The following UBXN8 variants were observed in gnomAD, a reference collection of about 807,000 sequenced individuals.
UBXN8 encodes UBX domain-containing protein 8.
Under a neutral mutation model 32.1 loss-of-function variants are expected in UBXN8, and 27 were observed. The ratio of observed to expected loss-of-function variants is 0.84; its 90% CI spans 0.62 to 1.16. The LOEUF is 1.16. Among genes scored for constraint, UBXN8 ranks in the 50% most tolerant of loss-of-function variants. The pLI is 0.00. For synonymous variants in UBXN8, 109 were observed against 111.8 expected, an observed-to-expected ratio of 0.98 and a Z score of 0.16; for missense variants, 306 against 311.4, an observed-to-expected ratio of 0.98 and a Z score of 0.13.
Position 30,753,064 on chromosome 8 carries a change from A to C in UBXN8, c.241A>C (p.Lys81Gln). The change falls in exon 3 of 8, where the codon AAA becomes CAA. Residue 81 changes from lysine to glutamine, a missense_variant. Transcript: ENST00000265616. ...AGAAGAAAAGAATGAGAAAAGACAA[A>C]AACTTGTGAGAAAAAAACAACAAGA... ...EEEEKNEKRQKLVRKKQQEAQ... is the reference protein window; with the variant it reads ...EEEEKNEKRQQLVRKKQQEAQ... The C allele has an allele frequency of 6.5e-7, 1 of 1,531,138 alleles. No individual in the cohort carries two copies. Among genetic ancestry groups the C allele is most frequent in the Non-Finnish European group, 8.8e-7 (1 of 1,140,288 alleles). The allele number at this position is 1,531,138 out of a possible 1,614,324, so 94.8% of individuals were successfully genotyped here.
intron 7 of UBXN8, among the ~76,000 whole-genome samples, chr8:30,763,988 C>T (rs1466063855): frequency 2.0e-5 from 3 of 151,998 alleles, no homozygotes; most frequent in African/African-American, 7.2e-5. Flanking sequence ...AAGATCCTGT[C>T]TCAAAAATAC....
At chr8:30,744,119 T>C, upstream of UBXN8, 2 of 1,469,286 alleles carry the variant, frequency 1.4e-6, no homozygotes, top group Non-Finnish European at 1.9e-6. Flanking sequence ...GCAAGAAGAG[T>C]TCCACTTCCT....
At chr8:30,741,944 G>A (rs1805212202), upstream of UBXN8, among the ~76,000 whole-genome samples, 1 of 152,166 alleles carries the variant, frequency 6.6e-6, no homozygotes, top group Non-Finnish European at 1.5e-5. Context: ...GTAGTCCAGA[G>A]AGAGATTCAA....
rs1236657236 is a variant in UBXN8 at position 30,763,312 on chromosome 8, C to T, written c.610C>T (p.Leu204=). Residue 204 remains leucine (L), a synonymous_variant, in exon 7 of 8, where the codon CTG becomes TTG. Coordinates refer to ENST00000265616, the MANE Select transcript of UBXN8 (RefSeq NM_005671.4). ...TCTCCGATGTCCCAGTGGGAATGTC[C>T]TGAGGAGAAGGTTTTTGAAGTCCTA... The part of the protein sequence containing the change: ...VALRCPSGNV[L]RRRFLKSYSS... The T allele has an allele frequency of 1.9e-6, 3 of 1,613,708 alleles. No individual in the cohort carries two copies. The African/African-American group carries it at 4.0e-5, about 22-fold the overall frequency.
chr8:30,760,613 A>G (rs1243810753), intron 5 of UBXN8, among the ~76,000 whole-genome samples: 2 of 151,500 alleles, frequency 1.3e-5, no homozygotes, highest in African/African-American at 4.8e-5. Context: ...TATATTAGTA[A>G]TATTTTGGAA....
chr8:30,739,049 T>C (rs531584678), intron 1 of UBXN8, among the ~76,000 whole-genome samples: 1 of 150,738 alleles, frequency 6.6e-6, no homozygotes, highest in East Asian at 2.0e-4. Flanking sequence ...TTTAACTCAA[T>C]TATACCTCAA....
At chr8:30,765,166 TC>T (rs1248132143) in intron 7 of UBXN8, among the ~76,000 whole-genome samples, 6 of 152,130 alleles carry the variant, frequency 3.9e-5, no homozygotes, top group Admixed American at 1.3e-4. Flanking sequence ...TCCTGCCTCA[TC>T]CTTCCAAAGT....
At chr8:30,762,591 C>G (rs1317968508) in intron 6 of UBXN8, among the ~76,000 whole-genome samples, 1 of 152,048 alleles carries the variant, frequency 6.6e-6, no homozygotes, top group African/African-American at 2.4e-5. Flanking sequence ...TGGGGTTTCA[C>G]CGTGTTGGCC....
intron 1 of UBXN8, chr8:30,744,482 G>C (rs16877332): frequency 0.041 from 25,313 of 610,164 alleles, 2,590 homozygotes; most frequent in African/African-American, 0.29. Context: ...TTACGTGTAA[G>C]AGGGTAGAGG....
chr8:30,750,010 C>G (rs756393965), intron 1 of UBXN8, among the ~76,000 whole-genome samples: 2 of 152,186 alleles, frequency 1.3e-5, no homozygotes, highest in African/African-American at 2.4e-5. Flanking sequence ...GCTGATCGCT[C>G]TAATTGTAAC....
In UBXN8 at chr8:30,735,162, A is replaced by T. The variant is rs571732161; in HGVS notation, c.622+1854A>T. The stretch of plus-strand genomic sequence containing the variant: ...TTCAAAGAGGTTAAATAACTTGCAC[A>T]AGATTAAACAGCTGGTGACTTGTGG... On this transcript the variant is annotated intron_variant, in intron 1 of 1. Transcript: ENST00000522968. 2.0e-5 allele frequency among the ~76,000 whole-genome samples: 3 copies of T among 152,360 alleles called. No individual in the cohort carries two copies. The South Asian group carries it at 6.2e-4, about 32-fold the overall frequency.
At chr8:30,755,577 A>G (rs1318946550) in intron 4 of UBXN8, among the ~76,000 whole-genome samples, 1 of 114,574 alleles carries the variant, frequency 8.7e-6, no homozygotes, top group African/African-American at 3.3e-5. Flanking sequence ...ACATAGGAAG[A>G]CCCTGTCTCT....
At chr8:30,742,214 T>C (rs897613074), upstream of UBXN8, among the ~76,000 whole-genome samples, 2 of 152,240 alleles carry the variant, frequency 1.3e-5, no homozygotes, top group Non-Finnish European at 2.9e-5. Context: ...CTGTAATTTA[T>C]ATTACCTCAC....
At chr8:30,758,870 ATGTTTTTTTTGTTTGTTTTTTT>A (rs1805733525) in intron 5 of UBXN8, among the ~76,000 whole-genome samples, 1 of 140,040 alleles carries the variant, frequency 7.1e-6, no homozygotes, top group Non-Finnish European at 1.5e-5. Flanking sequence ...TTGGTAACAA[ATGTTTTTTTTGTTTGTTTTTTT>A]TGTTTTTTTT....
At chr8:30,747,375 ATC>A (rs755771019) in intron 1 of UBXN8, among the ~76,000 whole-genome samples, 8 of 125,224 alleles carry the variant, frequency 6.4e-5, no homozygotes, top group Admixed American at 2.5e-4. Context: ...CAGTGGCACA[ATC>A]TCTGCTCACT....
intron 1 of UBXN8, among the ~76,000 whole-genome samples, chr8:30,747,961 C>G (rs1450538401): frequency 1.7e-5 from 1 of 60,298 alleles, no homozygotes; most frequent in Non-Finnish European, 2.9e-5. Flanking sequence ...ATAATTATTT[C>G]TTAACAGCAT....
chr8:30,748,327 C>G (rs1187722962), intron 1 of UBXN8, among the ~76,000 whole-genome samples: 1 of 151,586 alleles, frequency 6.6e-6, no homozygotes, highest in African/African-American at 2.4e-5. Flanking sequence ...TATATATTAT[C>G]TGATGGCCCA....
At chr8:30,745,854 C>T (rs1393989546) in intron 1 of UBXN8, among the ~76,000 whole-genome samples, 1 of 152,182 alleles carries the variant, frequency 6.6e-6, no homozygotes, top group African/African-American at 2.4e-5. Context: ...CTCAAGTGAT[C>T]CTCCCACCTC....
At position 30,748,889 on chromosome 8, in the gene UBXN8, A is replaced by G. The variant is rs141360954; in HGVS notation, c.89-2507A>G. Among the ~76,000 whole-genome samples, 587 of 152,286 alleles carry G rather than the reference A, an allele frequency of 3.9e-3. 2 individuals are homozygous for G. The highest frequency in any genetic ancestry group is 0.013 in the African/African-American group (538 of 41,562). Reference sequence around the variant, plus strand: ...TTCTTTAAGTTTTAGTTAATTGACTAATTACCAGCCTTGATCACGTTGGAT... The same window carrying G: ...TTCTTTAAGTTTTAGTTAATTGACTGATTACCAGCCTTGATCACGTTGGAT... On this transcript the variant is annotated intron_variant, in intron 1 of 7. Coordinates refer to ENST00000265616, the MANE Select transcript of UBXN8 (RefSeq NM_005671.4).
Sources: allele counts gnomAD v4.1 joint callset (sites outside exome capture counted in the v4.1 genomes callset), GRCh38; gene constraint gnomAD v4.1.1; transcripts MANE v1.5; gene names NCBI Gene and HGNC (gene_info 2026-07-23, HGNC 2026-07-21).